Variants in BAIAP2L1 observed in about 807,000 individuals in gnomAD.
BAIAP2L1 encodes BAR/IMD domain-containing adapter protein 2-like 1.
Under a neutral mutation model 66.3 loss-of-function variants are expected in BAIAP2L1, and 35 were observed. That is an observed-to-expected ratio of 0.53 (90% CI 0.40 to 0.70). The LOEUF is 0.70. BAIAP2L1 is among the 30% of genes least tolerant of loss of function. The probability of loss-of-function intolerance (pLI) is 0.00; values close to 1 mark genes in which losing one functional copy is unlikely to be tolerated. For synonymous variants in BAIAP2L1, 269 were observed against 248.7 expected (o/e 1.08, Z -0.77); for missense variants, 622 against 656.9 (o/e 0.95, Z 0.58).
At chr7:98,353,650 A>G (rs1312051972) in intron 3 of BAIAP2L1, among the ~76,000 whole-genome samples, 9 of 139,998 alleles carry the variant, frequency 6.4e-5, no homozygotes, top group East Asian at 5.9e-4. Context: ...TATATTATAT[A>G]TATTTTTATA....
intron 12 of BAIAP2L1, among the ~76,000 whole-genome samples, chr7:98,294,689 G>A (rs895393211): frequency 1.3e-5 from 2 of 152,208 alleles, no homozygotes; most frequent in African/African-American, 2.4e-5. Context: ...CTAGTGACTG[G>A]GATGTGCTTT....
chr7:98,320,113 T>C lies in BAIAP2L1; in HGVS notation c.293A>G (p.Lys98Arg). 1 of 1,612,780 alleles carries C rather than the reference T, an allele frequency of 6.2e-7. No homozygotes were observed. The highest frequency in any genetic ancestry group is 8.5e-7 in the Non-Finnish European group (1 of 1,178,980). Residue 98 changes from lysine to arginine, a missense_variant, in exon 5 of 14, where the codon AAA (lysine) becomes AGA (arginine). Physicochemically the swap from Lys to Arg is conservative, Grantham distance 26 (BLOSUM62 2). Coordinates refer to ENST00000005260, the MANE Select transcript of BAIAP2L1 (RefSeq NM_018842.5). ...CTTCTCCAGCTCATGGATAATCTCT[T>C]TGTGGAATTTTTTAAACTGTTAACA... Reference protein sequence around the residue: ...SLDENFKKFHKEIIHELEKKI... With the variant: ...SLDENFKKFHREIIHELEKKI...
chr7:98,313,839 A>C (rs1800970753), intron 7 of BAIAP2L1, among the ~76,000 whole-genome samples: 1 of 147,604 alleles, frequency 6.8e-6, no homozygotes, highest in African/African-American at 2.5e-5. Flanking sequence ...TATGCTGCCC[A>C]GGCTGGTCTG....
chr7:98,399,046 C>T (rs1803287411), intron 1 of BAIAP2L1, among the ~76,000 whole-genome samples: 1 of 152,174 alleles, frequency 6.6e-6, no homozygotes, highest in Non-Finnish European at 1.5e-5. Flanking sequence ...CTGAGTCTGG[C>T]AGAAAGAACG....
At chr7:98,369,315 T>A (rs1802457563) in intron 1 of BAIAP2L1, among the ~76,000 whole-genome samples, 2 of 152,092 alleles carry the variant, frequency 1.3e-5, no homozygotes, top group South Asian at 4.1e-4. Flanking sequence ...AAACCCCATC[T>A]CTACCAAAAA....
intron 13 of BAIAP2L1, 104 bp downstream of exon 13, chr7:98,293,970 T>C: frequency 7.4e-7 from 1 of 1,350,100 alleles, no homozygotes; most frequent in Non-Finnish European, 1.0e-6. Flanking sequence ...CCGAGGCCTT[T>C]CTCAGGCTGG....
At chr7:98,397,715 A>G (rs891043431) in intron 1 of BAIAP2L1, among the ~76,000 whole-genome samples, 33 of 152,204 alleles carry the variant, frequency 2.2e-4, no homozygotes, top group Non-Finnish European at 4.3e-4. Flanking sequence ...CCATGAGAGC[A>G]TATACTCATC....
At chr7:98,352,242 C>T (rs199861922) in intron 3 of BAIAP2L1, among the ~76,000 whole-genome samples, 8 of 151,830 alleles carry the variant, frequency 5.3e-5, no homozygotes, top group African/African-American at 1.7e-4. Flanking sequence ...TTGTTCGAAA[C>T]GAGAAGAAAA....
In BAIAP2L1 at chr7:98,293,344, C is replaced by A; in HGVS notation, c.*177G>T. 2 of 582,958 alleles carry A rather than the reference C, an allele frequency of 3.4e-6. No individual in the cohort carries two copies. The highest frequency in any genetic ancestry group is 3.1e-6 in the Non-Finnish European group (1 of 326,536). The allele number at this position is 582,958 out of a possible 1,614,324, so 36.1% of individuals were successfully genotyped here. On this transcript the variant is annotated 3_prime_UTR_variant, in exon 14 of 14. Transcript: ENST00000005260. The stretch of plus-strand genomic sequence containing the variant: ...GACTATTACTCATTTATCTTAAAGG[C>A]AGAAACTTGTCAACCCAACTACGTG...
rs1800003678 is a variant in BAIAP2L1 at position 98,292,408 on chromosome 7, A to G, written c.*1113T>C. 5.4e-6 allele frequency: 3 copies of G among 550,830 alleles called. No individual in the cohort carries two copies. Among genetic ancestry groups the G allele is most frequent in the Admixed American group, 3.2e-5 (1 of 31,502 alleles). The allele number at this position is 550,830 out of a possible 1,614,324, so 34.1% of individuals were successfully genotyped here. A position where few individuals can be genotyped will look rare whatever the true frequency, so the allele number is the denominator to read the frequency against. ...ATTTTTAGTAGAGACTCCTGACCTC[A>G]GGTGATCCCCCTGCCTCGGCCTCAC... On this transcript the variant is annotated 3_prime_UTR_variant, in exon 14 of 14. Coordinates refer to ENST00000005260, the MANE Select transcript of BAIAP2L1 (RefSeq NM_018842.5).
chr7:98,311,609 A>C (rs1355417093), intron 8 of BAIAP2L1, among the ~76,000 whole-genome samples: 1 of 151,458 alleles, frequency 6.6e-6, no homozygotes, highest in Non-Finnish European at 1.5e-5. Flanking sequence ...AGCGCCAAAC[A>C]TAGTATAAAA....
intron 2 of BAIAP2L1, 105 bp from the exon 3 acceptor site, chr7:98,355,233 G>C: frequency 1.2e-6 from 1 of 807,862 alleles, no homozygotes; most frequent in Non-Finnish European, 2.1e-6. Flanking sequence ...GCTGCAGGAA[G>C]GTTTGGGCTG....
intron 5 of BAIAP2L1, among the ~76,000 whole-genome samples, chr7:98,319,380 G>A (rs1384322852): frequency 6.6e-6 from 1 of 152,144 alleles, no homozygotes; most frequent in Admixed American, 6.5e-5. Context: ...GCCCCGGACG[G>A]TGCTCTCCCG....
At chr7:98,363,027 C>CTTTTTTTTTTTTT (rs71537235) in intron 1 of BAIAP2L1, among the ~76,000 whole-genome samples, 1 of 75,610 alleles carries the variant, frequency 1.3e-5, no homozygotes, top group African/African-American at 4.5e-5. Context: ...GGCATTTTTT[C>CTTTTTTTTTTTTT]TTTTTTTTTT....
At chr7:98,306,140 C>T (rs553904134) in intron 11 of BAIAP2L1, among the ~76,000 whole-genome samples, 13 of 152,076 alleles carry the variant, frequency 8.5e-5, no homozygotes, top group South Asian at 4.1e-4. Context: ...AAGATAAGGA[C>T]GGAAAACACA....
At chr7:98,362,798 G>A (rs745337306) in intron 1 of BAIAP2L1, among the ~76,000 whole-genome samples, 9 of 152,140 alleles carry the variant, frequency 5.9e-5, no homozygotes, top group Non-Finnish European at 1.0e-4. Flanking sequence ...GTTAAGGAAC[G>A]CCTGTGGAGG....
chr7:98,353,292 C>T (rs1373787250), intron 3 of BAIAP2L1, among the ~76,000 whole-genome samples: 1 of 146,560 alleles, frequency 6.8e-6, no homozygotes, highest in Admixed American at 7.1e-5. Flanking sequence ...AGTTCAAGAC[C>T]AACCTGGCCA....
intron 3 of BAIAP2L1, among the ~76,000 whole-genome samples, chr7:98,335,850 C>G (rs1801606240): frequency 6.6e-6 from 1 of 152,132 alleles, no homozygotes; most frequent in African/African-American, 2.4e-5. Flanking sequence ...CAGTTCCTGT[C>G]CAGGTTTTAC....
intron 12 of BAIAP2L1, among the ~76,000 whole-genome samples, chr7:98,302,836 A>G (rs958958044): frequency 1.3e-5 from 2 of 152,180 alleles, no homozygotes; most frequent in Non-Finnish European, 2.9e-5. Flanking sequence ...CCAGGCTGGC[A>G]TGCAGTGGTA....
Sources: gnomAD v4.1 joint callset for allele counts (sites outside exome capture counted in the v4.1 genomes callset) on GRCh38, gnomAD v4.1.1 for gene constraint, MANE v1.5 for transcripts, NCBI Gene and HGNC (gene_info 2026-07-23, HGNC 2026-07-21) for gene names.